Variants in GNA14 observed in about 807,000 individuals in gnomAD.
GNA14 encodes guanine nucleotide-binding protein subunit alpha-14.
A neutral mutation model predicts 42.0 loss-of-function variants in GNA14; 50 were observed. The ratio of observed to expected loss-of-function variants is 1.19; its 90% CI spans 0.95 to 1.51. The LOEUF is 1.51. Among genes scored for constraint, GNA14 ranks in the 40% most tolerant of loss-of-function variants. The probability of loss-of-function intolerance (pLI) is 0.00; values close to 1 mark genes in which losing one functional copy is unlikely to be tolerated. For synonymous variants in GNA14, 173 were observed against 163.1 expected, an observed-to-expected ratio of 1.06 and a Z score of -0.46; for missense variants, 473 against 446.2, an observed-to-expected ratio of 1.06 and a Z score of -0.54.
chr9:77,489,134 A>C (rs931990292), intron 2 of GNA14, among the ~76,000 whole-genome samples: 5 of 152,206 alleles, frequency 3.3e-5, no homozygotes, highest in Admixed American at 1.3e-4. Flanking sequence ...TGCAGAACTG[A>C]AAGACTCATT....
chr9:77,596,829 G>A (rs1414717043), intron 1 of GNA14, among the ~76,000 whole-genome samples: 1 of 152,164 alleles, frequency 6.6e-6, no homozygotes, highest in South Asian at 2.1e-4. Context: ...AAACTCAGAA[G>A]AATGCAACCA....
At chr9:77,499,850 AAAAT>A (rs372910074) in intron 2 of GNA14, among the ~76,000 whole-genome samples, 3,835 of 151,768 alleles carry the variant, frequency 0.025, 158 homozygotes, top group African/African-American at 0.087. Flanking sequence ...ACTGTCTCAA[AAAAT>A]AAATAAATAA....
chr9:77,566,712 C>T (rs1822974048), intron 1 of GNA14, among the ~76,000 whole-genome samples: 1 of 152,124 alleles, frequency 6.6e-6, no homozygotes, highest in African/African-American at 2.4e-5. Context: ...ACTCTAAGTC[C>T]TAGAGTTTTA....
At chr9:77,442,353 C>G (rs2131697711) in intron 2 of GNA14, among the ~76,000 whole-genome samples, 1 of 152,288 alleles carries the variant, frequency 6.6e-6, no homozygotes, top group African/African-American at 2.4e-5. Context: ...GCCTGGGCAA[C>G]AGAGTGAGAC....
intron 5 of GNA14, among the ~76,000 whole-genome samples, chr9:77,426,533 T>C (rs1835456575): frequency 6.6e-6 from 1 of 152,164 alleles, no homozygotes. Context: ...CTCAATCTCC[T>C]GACCTCGCGA....
intron 1 of GNA14, among the ~76,000 whole-genome samples, chr9:77,643,291 G>A (rs1166199112): frequency 6.7e-6 from 1 of 150,368 alleles, no homozygotes; most frequent in Admixed American, 6.6e-5. Context: ...CCAGGCTGGA[G>A]TGCAATGGTG....
intron 1 of GNA14, among the ~76,000 whole-genome samples, chr9:77,553,113 C>A (rs1037078747): frequency 2.6e-5 from 4 of 152,212 alleles, no homozygotes; most frequent in African/African-American, 9.7e-5. Context: ...TCTCATATGT[C>A]TCTCAGAGGA....
intron 2 of GNA14, among the ~76,000 whole-genome samples, chr9:77,526,220 G>A (rs1462253918): frequency 6.6e-6 from 1 of 151,960 alleles, no homozygotes; most frequent in Non-Finnish European, 1.5e-5. Flanking sequence ...CCTGATTTGG[G>A]ACTTTTTGAG....
At chr9:77,445,444 G>A (rs931964979) in intron 2 of GNA14, among the ~76,000 whole-genome samples, 3 of 151,650 alleles carry the variant, frequency 2.0e-5, no homozygotes, top group Admixed American at 6.6e-5. Flanking sequence ...CCAGCAAGGT[G>A]GCTCATGCCT....
intron 1 of GNA14, among the ~76,000 whole-genome samples, chr9:77,631,248 G>T (rs1011283465): frequency 2.0e-5 from 3 of 152,074 alleles, no homozygotes; most frequent in African/African-American, 7.2e-5. Context: ...CTCTAGAAGG[G>T]AAGAAAGCCT....
chr9:77,525,789 C>T (rs543224467), intron 2 of GNA14, among the ~76,000 whole-genome samples: 5 of 151,998 alleles, frequency 3.3e-5, no homozygotes, highest in African/African-American at 4.8e-5. Context: ...ATGCCTGCCT[C>T]GGCCTCCCAA....
chr9:77,448,897 T>G (rs1420360784), intron 2 of GNA14, among the ~76,000 whole-genome samples: 2 of 152,168 alleles, frequency 1.3e-5, no homozygotes, highest in African/African-American at 4.8e-5. Context: ...TAAGCAAATT[T>G]CCCCACTCTT....
rs368618105 is a variant in GNA14 at position 77,544,772 on chromosome 9, T to C, written c.125-15519A>G. ...GTTTTACTTTCTTAAAAAGGCAAAT[T>C]GTAAGCATATTCATTAATGGTTTTA... On this transcript the variant is annotated intron_variant, in intron 1 of 6. Coordinates refer to ENST00000341700, the MANE Select transcript of GNA14 (RefSeq NM_004297.4). 5.9e-5 allele frequency among the ~76,000 whole-genome samples: 9 copies of C among 152,044 alleles called. No individual in the cohort carries two copies. In the East Asian group the frequency reaches 1.7e-3, roughly 29 times the overall value.
intron 1 of GNA14, among the ~76,000 whole-genome samples, chr9:77,618,602 A>T (rs1334570634): frequency 0.025 from 241 of 9,510 alleles, 16 homozygotes; most frequent in African/African-American, 0.075. Context: ...ATATATATAT[A>T]TATATATATA....
chr9:77,535,892 G>A (rs67816702), intron 1 of GNA14, among the ~76,000 whole-genome samples: 5 of 87,624 alleles, frequency 5.7e-5, no homozygotes, highest in Admixed American at 3.9e-4. Flanking sequence ...TAGTTGTTTT[G>A]TTTTTTTTTT....
At chr9:77,491,114 GTATC>G (rs1836766578) in intron 2 of GNA14, among the ~76,000 whole-genome samples, 1 of 152,202 alleles carries the variant, frequency 6.6e-6, no homozygotes, top group African/African-American at 2.4e-5. Context: ...CAAGAATACT[GTATC>G]TATCAAAGCT....
rs1017409665 is a variant in GNA14, at chr9:77,520,658, G to C, written c.309+8411C>G. ...TTGGCTTACTGCAACCTCCGCCTCC[G>C]GGGTTCAAGAGATTCTCCTGCCTCA... is the stretch of plus-strand genomic sequence containing the variant. On this transcript the variant is annotated intron_variant, in intron 2 of 6. Coordinates refer to ENST00000341700, the MANE Select transcript of GNA14 (RefSeq NM_004297.4). Among the ~76,000 whole-genome samples, 5 of 152,060 alleles carry C rather than the reference G, an allele frequency of 3.3e-5. No homozygotes were observed. In the South Asian group the frequency reaches 6.2e-4, roughly 19 times the overall value.
intron 1 of GNA14, among the ~76,000 whole-genome samples, chr9:77,558,022 T>G (rs959022044): frequency 6.6e-6 from 1 of 152,188 alleles, no homozygotes; most frequent in Non-Finnish European, 1.5e-5. Flanking sequence ...AATGGGACCC[T>G]GTCCTCTGAA....
chr9:77,533,805 C>T (rs1837560924), intron 1 of GNA14, among the ~76,000 whole-genome samples: 1 of 152,160 alleles, frequency 6.6e-6, no homozygotes. Flanking sequence ...ACATAGAGAC[C>T]TTGCTAGTTG....
Sources: gnomAD v4.1 joint callset for allele counts (sites outside exome capture counted in the v4.1 genomes callset) on GRCh38, gnomAD v4.1.1 for gene constraint, MANE v1.5 for transcripts, NCBI Gene and HGNC (gene_info 2026-07-23, HGNC 2026-07-21) for gene names.